The following KIAA1671 variants were observed in gnomAD, a reference collection of about 807,000 sequenced individuals.
KIAA1671 encodes uncharacterized protein KIAA1671.
A neutral mutation model predicts 131.2 loss-of-function variants in KIAA1671; 52 were observed. The ratio of observed to expected loss-of-function variants is 0.40; its 90% CI spans 0.32 to 0.50. KIAA1671 has a LOEUF of 0.50. Ranked by LOEUF, KIAA1671 falls within the 20% of genes least tolerant of loss-of-function variation. KIAA1671 has a pLI of 0.73. For missense variants in KIAA1671, 2,360 were observed against 2,364.2 expected, an observed-to-expected ratio of 1.00 and a Z score of 0.04; for synonymous variants, 1,003 against 961.6, an observed-to-expected ratio of 1.04 and a Z score of -0.80.
chr22:25,049,214 G>A lies in KIAA1671; in HGVS notation c.4396-16G>A. ...AGGCTCCCAGTAAAGTCCTTTTCTT[G>A]TGCTCTGTGTTTCAGGTGCTGCCAC... On this transcript the variant is annotated splice_polypyrimidine_tract_variant and intron_variant, in intron 5 of 12. Transcript: ENST00000358431. 6.5e-7 allele frequency: 1 copy of A among 1,550,006 alleles called. No individual in the cohort carries two copies. The highest frequency in any genetic ancestry group is 8.7e-7 in the Non-Finnish European group (1 of 1,145,638).
chr22:25,068,270 G>A (rs1050236634), intron 6 of KIAA1671, among the ~76,000 whole-genome samples: 2 of 150,168 alleles, frequency 1.3e-5, no homozygotes, highest in African/African-American at 5.0e-5. Context: ...GCCATCGCTG[G>A]GGCCAACCCC....
intron 6 of KIAA1671, among the ~76,000 whole-genome samples, chr22:25,085,001 A>G (rs868604064): frequency 2.0e-5 from 3 of 152,356 alleles, no homozygotes; most frequent in Non-Finnish European, 2.9e-5. Flanking sequence ...GGCTGCAGCC[A>G]CAGGACTTAC....
intron 6 of KIAA1671, among the ~76,000 whole-genome samples, chr22:25,136,493 C>T (rs991426138): frequency 9.2e-5 from 14 of 152,174 alleles, no homozygotes; most frequent in African/African-American, 2.4e-4. Context: ...CTTGGCATCA[C>T]GCAAACAGCC....
Position 25,055,345 on chromosome 22 carries a change from C to T in KIAA1671, c.4530+5981C>T, listed in dbSNP as rs1336812037. 1.3e-5 allele frequency: 2 copies of T among 149,706 alleles called. 1 individual carries two copies. The highest frequency in any genetic ancestry group is 3.0e-5 in the Non-Finnish European group (2 of 67,226). 9.3% of individuals were successfully genotyped at this position (149,706 alleles called of 1,614,324 possible). On this transcript the variant is annotated intron_variant, in intron 6 of 12. Coordinates refer to ENST00000358431, the MANE Select transcript of KIAA1671 (RefSeq NM_001145206.2). ...CCTCTAGATTTCAGTTGGTTGACAG[C>T]GAGTCCAAATGAGAAGGAAACAATC...
rs1218139135 is a variant in KIAA1671 at position 25,028,584 on chromosome 22, G to A, written c.585G>A (p.Arg195=). The A allele has an allele frequency of 3.9e-6, 6 of 1,543,044 alleles. No individual in the cohort carries two copies. The East Asian group carries it at 1.5e-4, about 38-fold the overall frequency. ...PTQKPAGTLP[R]SAPLSQDTKP... ...AGAAGCCTGCGGGGACCCTTCCCCGGTCAGCTCCCCTGTCTCAGGACACAA... is the reference window on the plus strand; with the variant it reads ...AGAAGCCTGCGGGGACCCTTCCCCGATCAGCTCCCCTGTCTCAGGACACAA... The change falls in exon 3 of 13, where the codon CGG becomes CGA. Residue 195 remains arginine (R), a synonymous_variant. Coordinates refer to ENST00000358431, the MANE Select transcript of KIAA1671 (RefSeq NM_001145206.2).
At chr22:24,996,219 G>C (rs1332557299) in intron 1 of KIAA1671, among the ~76,000 whole-genome samples, 5 of 151,426 alleles carry the variant, frequency 3.3e-5, no homozygotes, top group African/African-American at 1.2e-4. Context: ...TCTCGGTGGA[G>C]GGCTCCCTCT....
chr22:25,017,148 T>C (rs7288163), intron 1 of KIAA1671, among the ~76,000 whole-genome samples: 64,088 of 151,588 alleles, frequency 0.42, 13,434 homozygotes, highest in Middle Eastern at 0.49. Flanking sequence ...TTTGGGAGGC[T>C]GAGGTGGGTG....
At chr22:25,095,335 T>G (rs1930342137) in intron 6 of KIAA1671, among the ~76,000 whole-genome samples, 1 of 152,186 alleles carries the variant, frequency 6.6e-6, no homozygotes, top group South Asian at 2.1e-4. Flanking sequence ...CAATAAAAAT[T>G]ACAAATGCTA....
rs1221707959 is a variant in KIAA1671 at position 25,041,001 on chromosome 22, A to C, written c.3871A>C (p.Lys1291Gln). The C allele has an allele frequency of 2.0e-6, 3 of 1,476,564 alleles. No individual in the cohort carries two copies. The African/African-American group carries it at 4.3e-5, about 21-fold the overall frequency. 91.5% of individuals were successfully genotyped at this position (1,476,564 alleles called of 1,614,324 possible). Residue 1291 changes from lysine (K) to glutamine (Q), a missense_variant, in exon 5 of 13, where the codon AAA becomes CAA. Transcript: ENST00000358431. Reference sequence around the variant, plus strand: ...GACCTTGGAGACAGCCATGGGCACCAAATCTAGCCCTCCCTTCTGGGCTCT... The same window carrying C: ...GACCTTGGAGACAGCCATGGGCACCCAATCTAGCCCTCCCTTCTGGGCTCT... ...AETLETAMGTKSSPPFWALPP... is the reference protein window; with the variant it reads ...AETLETAMGTQSSPPFWALPP...
At chr22:25,090,275 TC>T (rs1929961608) in intron 6 of KIAA1671, among the ~76,000 whole-genome samples, 1 of 152,224 alleles carries the variant, frequency 6.6e-6, no homozygotes. Flanking sequence ...TCCCTGAAGT[TC>T]CAGTCTCACC....
intron 11 of KIAA1671, among the ~76,000 whole-genome samples, chr22:25,188,230 G>A (rs901408884): frequency 3.9e-5 from 6 of 152,216 alleles, no homozygotes; most frequent in South Asian, 4.1e-4. Context: ...GAACCCAGGA[G>A]GCAGAGCTTG....
At position 25,188,447 on chromosome 22, in the gene KIAA1671, G is replaced by GGTGTGTGTGT. The variant is rs59590267; in HGVS notation, c.5343-2218_5343-2209dup. The stretch of plus-strand genomic sequence containing the variant: ...TTCTCCAGAGAAACAGAGCCAATCG[G>GGTGTGTGTGT]GTGTGTGTGTGTGTGTGTGTGTGTG... On this transcript the variant is annotated intron_variant, in intron 11 of 12. Transcript: ENST00000358431. 9.8e-3 allele frequency among the ~76,000 whole-genome samples: 1,349 copies of GGTGTGTGTGT among 137,950 alleles called. 14 individuals are homozygous for GGTGTGTGTGT. Among genetic ancestry groups the GGTGTGTGTGT allele is most frequent in the Non-Finnish European group, 0.011 (712 of 63,830 alleles). 90.5% of individuals were successfully genotyped at this position (137,950 alleles called of 152,430 possible). A position where few individuals can be genotyped will look rare whatever the true frequency, so the allele number is the denominator to read the frequency against.
chr22:25,182,891 GCCAGTGCTGGAACCAAGTC>G (rs1024848264), intron 10 of KIAA1671, among the ~76,000 whole-genome samples: 22 of 152,178 alleles, frequency 1.4e-4, no homozygotes, highest in Non-Finnish European at 2.9e-4. Context: ...GACACAGGAA[GCCAGTGCTGGAACCAAGTC>G]CCAGTCTCCC....
intron 5 of KIAA1671, 29 bp downstream of exon 5, chr22:25,041,554 T>C (rs1926925158): frequency 1.3e-6 from 2 of 1,490,934 alleles, no homozygotes; most frequent in Non-Finnish European, 1.8e-6. Flanking sequence ...TTTAATTTTG[T>C]CAAACATGGT....
intron 1 of KIAA1671, among the ~76,000 whole-genome samples, chr22:25,019,050 T>TTGTGTGTGTGTGTGTGTGTG (rs377368958): frequency 6.9e-6 from 1 of 144,110 alleles, no homozygotes; most frequent in African/African-American, 2.6e-5. Context: ...AATAGTTGTT[T>TTGTGTGTGTGTGTGTGTGTG]TGTGTGTGTG....
chr22:25,014,926 GTA>G (rs1925224237), intron 1 of KIAA1671: 1 of 152,114 alleles, frequency 6.6e-6, no homozygotes, highest in Non-Finnish European at 1.5e-5. Context: ...AATTTTGTCT[GTA>G]AAGAGCTATA....
intron 10 of KIAA1671, among the ~76,000 whole-genome samples, chr22:25,184,687 G>A (rs1934410625): frequency 6.6e-6 from 1 of 152,156 alleles, no homozygotes; most frequent in Non-Finnish European, 1.5e-5. Context: ...AGAGTTCTCA[G>A]GGTGGCATGC....
At chr22:25,004,784 A>G (rs1369599382) in intron 1 of KIAA1671, among the ~76,000 whole-genome samples, 1 of 151,626 alleles carries the variant, frequency 6.6e-6, no homozygotes, top group Non-Finnish European at 1.5e-5. Flanking sequence ...ATCTCTACTA[A>G]AAATACAAAA....
intron 2 of KIAA1671, among the ~76,000 whole-genome samples, chr22:25,026,395 C>A (rs1925943668): frequency 6.6e-6 from 1 of 152,102 alleles, no homozygotes; most frequent in African/African-American, 2.4e-5. Flanking sequence ...ACTTACCTGG[C>A]ACTTTTTAAG....
Sources: allele counts gnomAD v4.1 joint callset (sites outside exome capture counted in the v4.1 genomes callset), GRCh38; gene constraint gnomAD v4.1.1; transcripts MANE v1.5; gene names NCBI Gene and HGNC (gene_info 2026-07-23, HGNC 2026-07-21).